DLD: variants seen among roughly 807,000 people sequenced by gnomAD.
DLD encodes the protein dihydrolipoamide dehydrogenase, also known as dihydrolipoyl dehydrogenase, mitochondrial.
Under a neutral mutation model 62.2 loss-of-function variants are expected in DLD, and 36 were observed. The observed-to-expected ratio is 0.58, with a 90% CI of 0.44 to 0.76. DLD has a LOEUF of 0.76. Ranked by LOEUF, DLD falls within the 30% of genes least tolerant of loss-of-function variation. The probability of loss-of-function intolerance (pLI) is 0.00; values close to 1 mark genes in which losing one functional copy is unlikely to be tolerated. For synonymous variants in DLD, 204 were observed against 199.6 expected, an observed-to-expected ratio of 1.02 and a Z score of -0.19; for missense variants, 541 against 608.6, an observed-to-expected ratio of 0.89 and a Z score of 1.17.
At chr7:107,918,196 A>G in intron 12 of DLD, 135 bp downstream of exon 12, 1 of 941,614 alleles carries the variant, frequency 1.1e-6, no homozygotes, top group Non-Finnish European at 1.7e-6. Flanking sequence ...TCTGTGCATC[A>G]TTTCTAGAAG....
chr7:107,913,239 G>A (rs923170715), intron 8 of DLD, among the ~76,000 whole-genome samples: 2 of 151,998 alleles, frequency 1.3e-5, no homozygotes, highest in Non-Finnish European at 2.9e-5. Flanking sequence ...GATGTTTCCA[G>A]CTTTCTTCTT....
chr7:107,895,645 C>T (rs547976724), intron 2 of DLD, among the ~76,000 whole-genome samples: 13 of 152,186 alleles, frequency 8.5e-5, no homozygotes, highest in Non-Finnish European at 1.9e-4. Context: ...GCTTACAATT[C>T]AGTTGAGGGA....
rs2032286534 is a variant in DLD at position 107,916,978 on chromosome 7, TTGTC to T, written c.1046+17_1046+20del. On this transcript the variant is annotated intron_variant, in intron 10 of 13. Transcript: ENST00000205402. ...TAAAATTCCAAAGTAAGTTGGATAATTGTCTGCATTTTCAGTAATTTTAAAATTG... is the reference window on the plus strand; with the variant it reads ...TAAAATTCCAAAGTAAGTTGGATAATTGCATTTTCAGTAATTTTAAAATTG... The T allele has an allele frequency of 2.5e-6, 4 of 1,612,124 alleles. No homozygotes were observed.
At chr7:107,911,648 A>G (rs1387319618) in intron 8 of DLD, among the ~76,000 whole-genome samples, 2 of 151,914 alleles carry the variant, frequency 1.3e-5, no homozygotes, top group South Asian at 2.1e-4. Context: ...TTTTTTAAAA[A>G]TTGAGCTATT....
intron 7 of DLD, 55 bp from the exon 8 acceptor site, chr7:107,906,212 G>A (rs1409319616): frequency 8.9e-6 from 10 of 1,122,394 alleles, no homozygotes; most frequent in South Asian, 2.6e-5. Context: ...ATGGAGGGTC[G>A]ACTGTACTAG....
At position 107,916,929 on chromosome 7, in the gene DLD, T is replaced by G; in HGVS notation, c.1011T>G (p.Ile337Met). The G allele has an allele frequency of 6.2e-7, 1 of 1,613,812 alleles. No individual in the cohort carries two copies. Among genetic ancestry groups the G allele is most frequent in the Non-Finnish European group, 8.5e-7 (1 of 1,179,970 alleles). ...LGIELDPRGR[I>M]PVNTRFQTKI... Reference sequence around the variant, plus strand: ...TTGAACTAGATCCCAGAGGTAGAATTCCAGTCAATACCAGATTTCAAACTA... The same window carrying G: ...TTGAACTAGATCCCAGAGGTAGAATGCCAGTCAATACCAGATTTCAAACTA... Residue 337 changes from isoleucine to methionine, a missense_variant, in exon 10 of 14, where the codon ATT (isoleucine) becomes ATG (methionine). Transcript: ENST00000205402.
At chr7:107,910,706 G>A (rs1296175121) in intron 8 of DLD, among the ~76,000 whole-genome samples, 1 of 152,184 alleles carries the variant, frequency 6.6e-6, no homozygotes, top group African/African-American at 2.4e-5. Context: ...TAACTTACAG[G>A]AGTATTGCTG....
chr7:107,904,254 T>C (rs545499819), intron 5 of DLD, among the ~76,000 whole-genome samples: 1 of 152,328 alleles, frequency 6.6e-6, no homozygotes, highest in East Asian at 1.9e-4. Context: ...AAAAATGGAA[T>C]GACGTAAAGA....
chr7:107,900,840 T>C (rs2031859184), intron 2 of DLD, among the ~76,000 whole-genome samples: 1 of 152,064 alleles, frequency 6.6e-6, no homozygotes, highest in Non-Finnish European at 1.5e-5. Context: ...GCTAGACTAG[T>C]TGGGGTTGTC....
At chr7:107,908,666 C>CAA (rs34468175) in intron 8 of DLD, among the ~76,000 whole-genome samples, 9 of 111,354 alleles carry the variant, frequency 8.1e-5, no homozygotes, top group East Asian at 6.8e-4. Flanking sequence ...GACCCTGTCT[C>CAA]AAAAAAAAAA....
chr7:107,891,353 C>T, intron 1 of DLD, 64 bp downstream of exon 1: 17 of 1,585,366 alleles, frequency 1.1e-5, no homozygotes, highest in Non-Finnish European at 3.5e-6. Context: ...TCAGTGGGTC[C>T]GGTACGCGGC....
chr7:107,915,991 T>C (rs949334667), intron 9 of DLD, among the ~76,000 whole-genome samples: 3 of 152,138 alleles, frequency 2.0e-5, no homozygotes, highest in Non-Finnish European at 2.9e-5. Context: ...GGCAGATACA[T>C]GGGGAAATCA....
At chr7:107,908,448 G>T (rs1266063680) in intron 8 of DLD, among the ~76,000 whole-genome samples, 1 of 152,012 alleles carries the variant, frequency 6.6e-6, no homozygotes, top group Non-Finnish European at 1.5e-5. Flanking sequence ...CAGGCAGATT[G>T]CTTAAGCCCA....
intron 2 of DLD, among the ~76,000 whole-genome samples, chr7:107,896,243 G>T (rs1318740063): frequency 6.6e-6 from 1 of 152,172 alleles, no homozygotes; most frequent in Non-Finnish European, 1.5e-5. Context: ...CGGTAGCACT[G>T]GGTAGGCTAA....
intron 8 of DLD, among the ~76,000 whole-genome samples, chr7:107,912,265 A>G (rs2032162281): frequency 1.3e-5 from 2 of 152,196 alleles, no homozygotes; most frequent in South Asian, 4.1e-4. Flanking sequence ...TGTCTTGGCT[A>G]TTGTGAATAG....
intron 8 of DLD, among the ~76,000 whole-genome samples, chr7:107,908,153 CT>C (rs71134291): frequency 8.3e-4 from 114 of 137,268 alleles, no homozygotes; most frequent in Middle Eastern, 3.6e-3. Flanking sequence ...TTTTGTTTTT[CT>C]TTTTTTTTTT....
chr7:107,905,305 A>T, intron 6 of DLD, 56 bp from the exon 7 acceptor site: 1 of 1,535,594 alleles, frequency 6.5e-7, no homozygotes, highest in East Asian at 2.3e-5. Context: ...CCTTTGAATG[A>T]TTTATCAAAC....
At chr7:107,910,947 C>T (rs183907610) in intron 8 of DLD, among the ~76,000 whole-genome samples, 1 of 152,250 alleles carries the variant, frequency 6.6e-6, no homozygotes. Flanking sequence ...ATCCCAGTTT[C>T]CAAGAATGGT....
At position 107,902,337 on chromosome 7, in the gene DLD, G is replaced by C; in HGVS notation, c.211G>C (p.Glu71Gln). ...AQLGFKTVCI[E>Q]KNETLGGTCL... ...TCTTTGGTTGTAGACAGTCTGCATTGAGAAAAATGAAACACTTGGTGGAAC... is the reference window on the plus strand; with the variant it reads ...TCTTTGGTTGTAGACAGTCTGCATTCAGAAAAATGAAACACTTGGTGGAAC... Residue 71 changes from glutamate to glutamine, a missense_variant, in exon 4 of 14, where the codon GAG becomes CAG. Glu to Gln is a conservative substitution (Grantham distance 29). Coordinates refer to ENST00000205402, the MANE Select transcript of DLD (RefSeq NM_000108.5). The C allele has an allele frequency of 6.2e-7, 1 of 1,613,802 alleles. No individual in the cohort carries two copies. Among genetic ancestry groups the C allele is most frequent in the Non-Finnish European group, 8.5e-7 (1 of 1,179,790 alleles).
Sources: gnomAD v4.1 joint callset for allele counts (sites outside exome capture counted in the v4.1 genomes callset) on GRCh38, gnomAD v4.1.1 for gene constraint, MANE v1.5 for transcripts, NCBI Gene and HGNC (gene_info 2026-07-23, HGNC 2026-07-21) for gene names.